The following NKAIN2 variants were observed in gnomAD, a reference collection of about 807,000 sequenced individuals.
The protein encoded by NKAIN2 is sodium/potassium transporting ATPase interacting 2.
A neutral mutation model predicts 32.6 loss-of-function variants in NKAIN2; 14 were observed. The ratio of observed to expected loss-of-function variants is 0.43; its 90% CI spans 0.28 to 0.67. The LOEUF (loss-of-function observed/expected upper bound fraction) is 0.67. Ranked by LOEUF, NKAIN2 falls within the 30% of genes least tolerant of loss-of-function variation. The pLI, the probability that NKAIN2 is intolerant of heterozygous loss-of-function variation, is 0.17. For missense variants in NKAIN2, 198 were observed against 258.3 expected, an observed-to-expected ratio of 0.77 and a Z score of 1.60; for synonymous variants, 80 against 87.2, an observed-to-expected ratio of 0.92 and a Z score of 0.46.
intron 3 of NKAIN2, among the ~76,000 whole-genome samples, chr6:124,393,511 A>AT (rs1226864052): frequency 1.3e-5 from 2 of 152,206 alleles, no homozygotes; most frequent in African/African-American, 4.8e-5. Flanking sequence ...TCTAAAGTTA[A>AT]TAGATTCATT....
At chr6:124,340,620 G>C (rs1798075510) in intron 2 of NKAIN2, among the ~76,000 whole-genome samples, 1 of 152,138 alleles carries the variant, frequency 6.6e-6, no homozygotes, top group Non-Finnish European at 1.5e-5. Flanking sequence ...TTAGAGGTGA[G>C]AACATGCTGT....
At chr6:123,978,561 G>C (rs2114658541) in intron 1 of NKAIN2, among the ~76,000 whole-genome samples, 1 of 152,250 alleles carries the variant, frequency 6.6e-6, no homozygotes, top group Non-Finnish European at 1.5e-5. Flanking sequence ...CTTTCTCGTA[G>C]TCTCCTAGTC....
intron 1 of NKAIN2, among the ~76,000 whole-genome samples, chr6:124,180,847 A>T (rs1789406808): frequency 6.6e-6 from 1 of 152,048 alleles, no homozygotes. Flanking sequence ...TGGCTTTTCC[A>T]GGTGCATGGT....
chr6:123,951,405 G>A (rs1052003948), intron 1 of NKAIN2, among the ~76,000 whole-genome samples: 13 of 151,882 alleles, frequency 8.6e-5, no homozygotes, highest in Middle Eastern at 6.8e-3. Context: ...TTCCTTTTAC[G>A]TCTAGTAATG....
At chr6:124,550,864 C>T (rs890048902) in intron 3 of NKAIN2, among the ~76,000 whole-genome samples, 1 of 152,024 alleles carries the variant, frequency 6.6e-6, no homozygotes, top group Non-Finnish European at 1.5e-5. Context: ...CTGTTTGTTT[C>T]CCTGGTGTTG....
At chr6:124,022,172 G>T (rs1780897888) in intron 1 of NKAIN2, among the ~76,000 whole-genome samples, 2 of 151,506 alleles carry the variant, frequency 1.3e-5, no homozygotes. Context: ...GAGATAGTTT[G>T]CTCAGAATGA....
At chr6:124,344,583 T>G (rs927371368) in intron 2 of NKAIN2, among the ~76,000 whole-genome samples, 7 of 151,950 alleles carry the variant, frequency 4.6e-5, no homozygotes, top group African/African-American at 1.5e-4. Context: ...TATTTTATTC[T>G]CTTTGAAGCA....
intron 1 of NKAIN2, among the ~76,000 whole-genome samples, chr6:123,825,492 A>T (rs1015855495): frequency 3.9e-5 from 6 of 152,096 alleles, no homozygotes; most frequent in African/African-American, 1.4e-4. Context: ...TAATATCCTA[A>T]TCCTGAAAGG....
chr6:124,707,096 T>G lies in NKAIN2; in HGVS notation c.474+48710T>G, dbSNP rs1030645570. Reference sequence around the variant, plus strand: ...ATGAGTGAGAATATGCGGTGTTTGGTTTTTTGTTCTTGCGATAGTTTACTG... The same window carrying G: ...ATGAGTGAGAATATGCGGTGTTTGGGTTTTTGTTCTTGCGATAGTTTACTG... On this transcript the variant is annotated intron_variant, in intron 4 of 6. Coordinates refer to ENST00000368417, the MANE Select transcript of NKAIN2 (RefSeq NM_001040214.3). Among the ~76,000 whole-genome samples, 12 of 150,860 alleles carry G rather than the reference T, an allele frequency of 8.0e-5. No individual in the cohort carries two copies. In the South Asian group the frequency reaches 1.3e-3, roughly 16 times the overall value.
chr6:124,766,739 T>G (rs1258909331), intron 4 of NKAIN2, among the ~76,000 whole-genome samples: 1 of 152,134 alleles, frequency 6.6e-6, no homozygotes, highest in African/African-American at 2.4e-5. Flanking sequence ...TTTCCTAAAC[T>G]CTCTCTCTTT....
chr6:124,438,888 AGT>A (rs1423645985), intron 3 of NKAIN2, among the ~76,000 whole-genome samples: 1 of 152,026 alleles, frequency 6.6e-6, no homozygotes, highest in African/African-American at 2.4e-5. Context: ...TCCTTTTATA[AGT>A]GTATTTTTAC....
chr6:123,810,975 G>A (rs1474996752), intron 1 of NKAIN2, among the ~76,000 whole-genome samples: 1 of 152,246 alleles, frequency 6.6e-6, no homozygotes, highest in East Asian at 1.9e-4. Context: ...CAGAGGCCTG[G>A]GCTAGGACCA....
intron 3 of NKAIN2, among the ~76,000 whole-genome samples, chr6:124,396,231 G>T (rs2114436434): frequency 6.6e-6 from 1 of 151,774 alleles, no homozygotes; most frequent in South Asian, 2.1e-4. Context: ...GGCATCGCAA[G>T]ATTTAATAAT....
At chr6:124,672,395 C>A (rs1773152436) in intron 4 of NKAIN2, among the ~76,000 whole-genome samples, 1 of 152,058 alleles carries the variant, frequency 6.6e-6, no homozygotes, top group Non-Finnish European at 1.5e-5. Context: ...TGAAAAAGTT[C>A]TCAGACTGGA....
intron 1 of NKAIN2, among the ~76,000 whole-genome samples, chr6:123,907,904 T>C (rs1774971171): frequency 6.6e-6 from 1 of 152,208 alleles, no homozygotes; most frequent in African/African-American, 2.4e-5. Context: ...TAGGACACTT[T>C]GTTGATTTGC....
At chr6:124,256,609 T>G (rs1344262326) in intron 1 of NKAIN2, among the ~76,000 whole-genome samples, 1 of 152,198 alleles carries the variant, frequency 6.6e-6, no homozygotes, top group Non-Finnish European at 1.5e-5. Flanking sequence ...CTTGGAAATT[T>G]GAAAAATCTT....
chr6:124,586,389 A>G (rs543589364), intron 3 of NKAIN2, among the ~76,000 whole-genome samples: 1 of 152,276 alleles, frequency 6.6e-6, no homozygotes, highest in East Asian at 1.9e-4. Context: ...CTGAGAGCTC[A>G]ACATAGAGTA....
At chr6:123,927,429 C>G (rs975858874) in intron 1 of NKAIN2, among the ~76,000 whole-genome samples, 1 of 152,178 alleles carries the variant, frequency 6.6e-6, no homozygotes, top group Non-Finnish European at 1.5e-5. Context: ...AAATATCTTT[C>G]TGTAGATATA....
intron 3 of NKAIN2, among the ~76,000 whole-genome samples, chr6:124,402,220 C>G (rs1337028794): frequency 6.6e-6 from 1 of 151,964 alleles, no homozygotes; most frequent in Admixed American, 6.6e-5. Flanking sequence ...GAAACCTGGA[C>G]CTAAAAGATT....
Sources: gnomAD v4.1 joint callset for allele counts (sites outside exome capture counted in the v4.1 genomes callset) on GRCh38, gnomAD v4.1.1 for gene constraint, MANE v1.5 for transcripts, NCBI Gene and HGNC (gene_info 2026-07-23, HGNC 2026-07-21) for gene names.